SYT10: variants seen among roughly 807,000 people sequenced by gnomAD.
SYT10 encodes the protein synaptotagmin-10.
A neutral mutation model predicts 51.1 loss-of-function variants in SYT10; 31 were observed. The observed-to-expected ratio is 0.61, with a 90% CI of 0.46 to 0.82. The LOEUF (loss-of-function observed/expected upper bound fraction) is 0.82. Ranked by LOEUF, SYT10 falls within the 40% of genes least tolerant of loss-of-function variation. The pLI, the probability that SYT10 is intolerant of heterozygous loss-of-function variation, is 0.00. For missense variants in SYT10, 603 were observed against 634.0 expected (o/e 0.95, Z 0.53); for synonymous variants, 233 against 225.9 (o/e 1.03, Z -0.28).
At chr12:33,409,795 T>C (rs1432744841) in intron 2 of SYT10, among the ~76,000 whole-genome samples, 1 of 152,128 alleles carries the variant, frequency 6.6e-6, no homozygotes, top group African/African-American at 2.4e-5. Flanking sequence ...GTGAGATGCC[T>C]GGCCACAATA....
At chr12:33,420,345 G>T (rs931630092) in intron 2 of SYT10, among the ~76,000 whole-genome samples, 2 of 152,088 alleles carry the variant, frequency 1.3e-5, no homozygotes, top group Admixed American at 1.3e-4. Context: ...TTTACCCTAA[G>T]ATTCCTGTGA....
intron 3 of SYT10, among the ~76,000 whole-genome samples, chr12:33,397,562 G>A (rs1051748130): frequency 7.9e-5 from 12 of 152,070 alleles, no homozygotes; most frequent in Non-Finnish European, 1.6e-4. Context: ...GAACCAAACC[G>A]ACCAGCCTTT....
chr12:33,379,727 T>A, intron 6 of SYT10, 105 bp downstream of exon 6: 2 of 1,409,694 alleles, frequency 1.4e-6, no homozygotes, highest in Non-Finnish European at 1.9e-6. Context: ...CTATTTTTTT[T>A]AACAAGGGTG....
At chr12:33,379,999 T>C in intron 5 of SYT10, 38 bp from the exon 6 acceptor site, 1 of 1,563,292 alleles carries the variant, frequency 6.4e-7, no homozygotes, top group Admixed American at 1.8e-5. Flanking sequence ...ATTTCCAACA[T>C]TCAAAGATAA....
chr12:33,429,806 T>C (rs1188376324), intron 1 of SYT10, among the ~76,000 whole-genome samples: 1 of 152,206 alleles, frequency 6.6e-6, no homozygotes, highest in Non-Finnish European at 1.5e-5. Context: ...GGTAGTATTG[T>C]TCACCATAAT....
At chr12:33,425,729 G>A (rs762375569) in intron 2 of SYT10, among the ~76,000 whole-genome samples, 17 of 152,076 alleles carry the variant, frequency 1.1e-4, no homozygotes, top group Non-Finnish European at 1.8e-4. Context: ...GAGCCTCCAC[G>A]ATATGCATTT....
chr12:33,377,596 A>G (rs1866074031), intron 6 of SYT10, among the ~76,000 whole-genome samples: 1 of 151,196 alleles, frequency 6.6e-6, no homozygotes, highest in African/African-American at 2.4e-5. Context: ...ATGATTATCT[A>G]GATAAAAGGA....
chr12:33,376,989 C>A, intron 6 of SYT10, 88 bp from the exon 7 acceptor site: 1 of 1,345,218 alleles, frequency 7.4e-7, no homozygotes, highest in South Asian at 1.2e-5. Flanking sequence ...AGTGAATATT[C>A]AACCATAATA....
chr12:33,382,127 A>C (rs1866120491), intron 5 of SYT10, among the ~76,000 whole-genome samples: 2 of 152,184 alleles, frequency 1.3e-5, no homozygotes, highest in African/African-American at 4.8e-5. Flanking sequence ...TTCTGGACCC[A>C]TTCTTTCACC....
intron 2 of SYT10, among the ~76,000 whole-genome samples, chr12:33,421,629 T>C (rs1399943208): frequency 1.3e-5 from 2 of 152,144 alleles, no homozygotes; most frequent in African/African-American, 4.8e-5. Context: ...TTGACACTTA[T>C]GTGCCTACAC....
At chr12:33,419,755 A>G (rs1866485378) in intron 2 of SYT10, among the ~76,000 whole-genome samples, 1 of 152,234 alleles carries the variant, frequency 6.6e-6, no homozygotes. Flanking sequence ...AAATGAATGT[A>G]TATGAAGTAA....
chr12:33,429,508 T>C (rs1465243542), intron 1 of SYT10, among the ~76,000 whole-genome samples: 1 of 152,234 alleles, frequency 6.6e-6, no homozygotes, highest in Non-Finnish European at 1.5e-5. Flanking sequence ...TGCCTGGTTT[T>C]AAAATCTTCT....
chr12:33,433,731 G>A (rs904285165), intron 1 of SYT10, among the ~76,000 whole-genome samples: 7 of 152,118 alleles, frequency 4.6e-5, no homozygotes, highest in Non-Finnish European at 1.0e-4. Context: ...TTTGAGATAT[G>A]GGTCATAATT....
intron 1 of SYT10, among the ~76,000 whole-genome samples, chr12:33,433,110 T>C (rs1339555209): frequency 6.6e-6 from 1 of 152,144 alleles, no homozygotes; most frequent in Non-Finnish European, 1.5e-5. Flanking sequence ...AGAAGCCATC[T>C]CTTTAGTCAG....
intron 1 of SYT10, among the ~76,000 whole-genome samples, chr12:33,433,866 C>A (rs1866616665): frequency 6.6e-6 from 1 of 152,150 alleles, no homozygotes; most frequent in Admixed American, 6.5e-5. Flanking sequence ...ATCTCCTCTT[C>A]CTATTCCTAC....
intron 1 of SYT10, among the ~76,000 whole-genome samples, chr12:33,439,033 G>T (rs1364692305): frequency 6.6e-6 from 1 of 152,196 alleles, no homozygotes; most frequent in African/African-American, 2.4e-5. Context: ...TCCCGGCGCC[G>T]TCACCGCCCG....
intron 3 of SYT10, among the ~76,000 whole-genome samples, chr12:33,400,724 A>G (rs1049290693): frequency 6.6e-6 from 1 of 152,138 alleles, no homozygotes; most frequent in African/African-American, 2.4e-5. Context: ...ACATTTAAAT[A>G]TTGAAAATAC....
At chr12:33,422,103 T>TA (rs954955112) in intron 2 of SYT10, among the ~76,000 whole-genome samples, 50 of 149,508 alleles carry the variant, frequency 3.3e-4, no homozygotes, top group East Asian at 2.0e-3. Context: ...AAAAAAAACT[T>TA]AAAAAAAAAG....
At position 33,406,779 on chromosome 12, in the gene SYT10, T is replaced by G. The variant is rs1382527825; in HGVS notation, c.1077+10A>C. 1.9e-6 allele frequency: 3 copies of G among 1,580,102 alleles called. No individual in the cohort carries two copies. The highest frequency in any genetic ancestry group is 2.6e-6 in the Non-Finnish European group (3 of 1,165,522). ...ATAAAAAACAATATATTGGTGGAAT[T>G]ACTACTTACTGTGGTAGCACAGTGA... is the stretch of plus-strand genomic sequence containing the variant. On this transcript the variant is annotated intron_variant, in intron 3 of 6. Coordinates refer to ENST00000228567, the MANE Select transcript of SYT10 (RefSeq NM_198992.4).
Sources: gnomAD v4.1 joint callset for allele counts (sites outside exome capture counted in the v4.1 genomes callset) on GRCh38, gnomAD v4.1.1 for gene constraint, MANE v1.5 for transcripts, NCBI Gene and HGNC (gene_info 2026-07-23, HGNC 2026-07-21) for gene names.